NEK5: variants seen among roughly 807,000 people sequenced by gnomAD.
NEK5 encodes the protein NIMA related kinase 5.
In NEK5, 88 loss-of-function variants were observed where a neutral mutation model predicts 109.2. That is an observed-to-expected ratio of 0.81 (90% CI 0.68 to 0.96). NEK5 has a LOEUF of 0.96. Ranked by LOEUF, NEK5 falls within the 40% of genes least tolerant of loss-of-function variation. The pLI, the probability that NEK5 is intolerant of heterozygous loss-of-function variation, is 0.00. For missense variants in NEK5, 834 were observed against 920.7 expected (o/e 0.91, Z 1.22); for synonymous variants, 283 against 299.9 (o/e 0.94, Z 0.58).
chr13:52,083,023 T>C (rs1008172781), intron 17 of NEK5, among the ~76,000 whole-genome samples: 6 of 152,162 alleles, frequency 3.9e-5, no homozygotes, highest in African/African-American at 1.4e-4. Flanking sequence ...GGCGCATGCC[T>C]GTAGTCCCAG....
intron 12 of NEK5, 38 bp downstream of exon 12, chr13:52,099,705 T>G (rs201057436): frequency 1.2e-6 from 2 of 1,601,066 alleles, no homozygotes; most frequent in Non-Finnish European, 8.5e-7. Context: ...GCATATACCA[T>G]AGCTAAAAAA....
rs375058340 is a variant in NEK5 at position 52,075,086 on chromosome 13, A to C, written c.1722+672T>G. On this transcript the variant is annotated intron_variant, in intron 19 of 23. Transcript: ENST00000684899. Reference sequence around the variant, plus strand: ...AGTTTGGATATTTCTCAAAGAACTTAGAACTACTGTTCAACCCAGCAATCC... The same window carrying C: ...AGTTTGGATATTTCTCAAAGAACTTCGAACTACTGTTCAACCCAGCAATCC... 1.3e-4 allele frequency among the ~76,000 whole-genome samples: 20 copies of C among 152,356 alleles called. No homozygotes were observed. The East Asian group carries it at 3.3e-3, about 25-fold the overall frequency.
intron 17 of NEK5, among the ~76,000 whole-genome samples, chr13:52,079,713 G>A (rs1235032890): frequency 2.6e-5 from 4 of 152,218 alleles, no homozygotes; most frequent in Non-Finnish European, 5.9e-5. Context: ...GCCTCTGCCC[G>A]GCCGCCACCC....
At chr13:52,093,418 G>C (rs1013491264) in intron 12 of NEK5, among the ~76,000 whole-genome samples, 183 bp from the exon 13 acceptor site, 2 of 152,092 alleles carry the variant, frequency 1.3e-5, no homozygotes, top group Middle Eastern at 3.2e-3. Context: ...AAATTATCCA[G>C]GCATGGTGGC....
At chr13:52,121,737 G>C (rs1422274435) in intron 3 of NEK5, among the ~76,000 whole-genome samples, 1 of 152,042 alleles carries the variant, frequency 6.6e-6, no homozygotes, top group Non-Finnish European at 1.5e-5. Flanking sequence ...ATATTCCCTA[G>C]GGATAACTGT....
intron 17 of NEK5, among the ~76,000 whole-genome samples, chr13:52,079,260 T>C (rs1197817182): frequency 7.4e-6 from 1 of 135,810 alleles, no homozygotes; most frequent in Admixed American, 7.5e-5. Context: ...TCTTTTTAAA[T>C]AAGTAGGGCT....
At chr13:52,038,813 A>G (rs1954389327) in intron 23 of NEK5, among the ~76,000 whole-genome samples, 1 of 143,050 alleles carries the variant, frequency 7.0e-6, no homozygotes, top group Non-Finnish European at 1.5e-5. Context: ...CATCAGAGCA[A>G]GACACTCATC....
chr13:52,074,693 C>T lies in NEK5; in HGVS notation c.1722+1065G>A, dbSNP rs1954836678. Among the ~76,000 whole-genome samples the T allele has an allele frequency of 2.0e-5, 3 of 152,064 alleles. No homozygotes were observed. The South Asian group carries it at 6.2e-4, about 31-fold the overall frequency. On this transcript the variant is annotated intron_variant, in intron 19 of 23. Coordinates refer to ENST00000684899, the MANE Select transcript of NEK5 (RefSeq NM_001365552.1). ...AGAAACTATCAACAGAGTAAATAGA[C>T]AACCTACAGAATAGAAGAAAATATT...
intron 4 of NEK5, among the ~76,000 whole-genome samples, chr13:52,116,766 T>C (rs1053221315): frequency 4.6e-5 from 7 of 152,240 alleles, no homozygotes; most frequent in Non-Finnish European, 7.3e-5. Context: ...TTTGCTGATA[T>C]ATCTCCAAGA....
In NEK5 at chr13:52,068,016, G is replaced by A. The variant is rs1223515634; in HGVS notation, c.1850-2407C>T. ...CAACCATCATGTCATTTTCTGAGTG[G>A]TGCCTTTTCCAAAAACAACCCCTAG... On this transcript the variant is annotated intron_variant, in intron 20 of 23. Transcript: ENST00000684899. Among the ~76,000 whole-genome samples, 3 of 152,120 alleles carry A rather than the reference G, an allele frequency of 2.0e-5. No homozygotes were observed. In the East Asian group the frequency reaches 5.8e-4, roughly 29 times the overall value.
intron 22 of NEK5, among the ~76,000 whole-genome samples, chr13:52,054,703 C>G (rs1018706371): frequency 2.7e-5 from 4 of 147,374 alleles, no homozygotes; most frequent in African/African-American, 7.6e-5. Context: ...ACACCTCACA[C>G]GGCCGGGTAC....
At chr13:52,082,187 C>T (rs1460144195) in intron 17 of NEK5, 4 of 257,642 alleles carry the variant, frequency 1.6e-5, no homozygotes, top group African/African-American at 4.7e-5. Flanking sequence ...CGGTGGCAGG[C>T]GCCTATAATT....
chr13:52,099,823 T>C lies in NEK5; in HGVS notation c.946A>G (p.Ile316Val). ...GCATTCCTTTTAATTGGCACAGATA[T>C]CCTTGATCTTGGTGGGCACTTTCCC... ...FQGKCPPRSR[I>V]SVPIKRNAIL... The change falls in exon 12 of 24, where the codon ATA becomes GTA. Residue 316 changes from isoleucine to valine, a missense_variant. Transcript: ENST00000684899. The C allele has an allele frequency of 6.2e-7, 1 of 1,613,940 alleles. No individual in the cohort carries two copies. The highest frequency in any genetic ancestry group is 8.5e-7 in the Non-Finnish European group (1 of 1,179,804).
chr13:52,078,062 G>T (rs866751134), intron 17 of NEK5, among the ~76,000 whole-genome samples: 2 of 147,474 alleles, frequency 1.4e-5, no homozygotes, highest in Non-Finnish European at 3.0e-5. Flanking sequence ...CAACAAGGGC[G>T]AAACTTGTCT....
intron 23 of NEK5, among the ~76,000 whole-genome samples, chr13:52,047,597 A>T (rs1954470498): frequency 6.6e-6 from 1 of 152,176 alleles, no homozygotes; most frequent in South Asian, 2.1e-4. Flanking sequence ...AGTTTACTTT[A>T]TGGGAGGCCC....
chr13:52,056,921 A>G (rs936149792), intron 22 of NEK5, among the ~76,000 whole-genome samples: 1 of 152,216 alleles, frequency 6.6e-6, no homozygotes, highest in Non-Finnish European at 1.5e-5. Flanking sequence ...TTCAAAAGCT[A>G]GCAGAACGCA....
intron 4 of NEK5, among the ~76,000 whole-genome samples, chr13:52,115,927 T>A (rs890624890): frequency 5.3e-5 from 8 of 152,240 alleles, no homozygotes; most frequent in African/African-American, 1.9e-4. Flanking sequence ...CCCAGCACTT[T>A]GGGAGGCCAA....
chr13:52,078,664 C>T (rs1029294297), intron 17 of NEK5, among the ~76,000 whole-genome samples: 4 of 151,766 alleles, frequency 2.6e-5, no homozygotes, highest in Non-Finnish European at 5.9e-5. Context: ...GAGCAAGAGA[C>T]TGCACACCAG....
Position 52,050,085 on chromosome 13 carries a change from C to T in NEK5, c.2228+19G>A, listed in dbSNP as rs1275946844. 2.6e-5 allele frequency: 24 copies of T among 915,108 alleles called. No individual in the cohort carries two copies. The highest frequency in any genetic ancestry group is 3.0e-5 in the Non-Finnish European group (23 of 765,744). 56.7% of individuals were successfully genotyped at this position (915,108 alleles called of 1,614,324 possible). ...TTGTACCAGTGCTCGACTTAGGTATCGGCAAATGATCTACTTACGTATCAT... is the reference window on the plus strand; with the variant it reads ...TTGTACCAGTGCTCGACTTAGGTATTGGCAAATGATCTACTTACGTATCAT... On this transcript the variant is annotated intron_variant, in intron 23 of 23. Coordinates refer to ENST00000684899, the MANE Select transcript of NEK5 (RefSeq NM_001365552.1).
Sources: gnomAD v4.1 joint callset for allele counts (sites outside exome capture counted in the v4.1 genomes callset) on GRCh38, gnomAD v4.1.1 for gene constraint, MANE v1.5 for transcripts, NCBI Gene and HGNC (gene_info 2026-07-23, HGNC 2026-07-21) for gene names.